ELP4: variants seen among roughly 807,000 people sequenced by gnomAD.
ELP4 encodes elongator acetyltransferase complex subunit 4.
In ELP4, 51 loss-of-function variants were observed where a neutral mutation model predicts 48.9. The ratio of observed to expected loss-of-function variants is 1.04; its 90% CI spans 0.83 to 1.32. The LOEUF (loss-of-function observed/expected upper bound fraction) is 1.32. ELP4 is among the 40% of genes most tolerant of loss of function. ELP4 has a pLI of 0.00. For missense variants in ELP4, 519 were observed against 514.6 expected, an observed-to-expected ratio of 1.01 and a Z score of -0.08; for synonymous variants, 210 against 189.2, an observed-to-expected ratio of 1.11 and a Z score of -0.90.
intron 3 of ELP4, among the ~76,000 whole-genome samples, chr11:31,585,569 C>T (rs1057358506): frequency 2.2e-4 from 34 of 152,054 alleles, no homozygotes; most frequent in African/African-American, 6.0e-4. Flanking sequence ...TGAAAGAAAA[C>T]GTAACCCAAG....
At chr11:31,711,823 A>G (rs950988280) in intron 9 of ELP4, among the ~76,000 whole-genome samples, 1 of 152,140 alleles carries the variant, frequency 6.6e-6, no homozygotes, top group Non-Finnish European at 1.5e-5. Context: ...AATGAATTAA[A>G]TCATAAACCT....
At chr11:31,546,268 C>G (rs971278628) in intron 3 of ELP4, among the ~76,000 whole-genome samples, 16 of 151,302 alleles carry the variant, frequency 1.1e-4, no homozygotes, top group African/African-American at 3.9e-4. Context: ...CACATAGGCT[C>G]AAAATAAAAG....
chr11:31,681,575 T>A (rs1204366178), intron 9 of ELP4, among the ~76,000 whole-genome samples: 3 of 152,104 alleles, frequency 2.0e-5, no homozygotes, highest in African/African-American at 7.2e-5. Flanking sequence ...AGGAGAGAGA[T>A]GTTACATCTG....
intron 2 of ELP4, among the ~76,000 whole-genome samples, chr11:31,532,143 A>C (rs1245148609): frequency 6.6e-6 from 1 of 152,190 alleles, no homozygotes; most frequent in Non-Finnish European, 1.5e-5. Context: ...CTCAAGCCCA[A>C]AGGAAATGGT....
In ELP4 at chr11:31,786,940, AAAT is replaced by A. The variant is rs1948680844; in HGVS notation, c.*3420_*3422del. 1.4e-5 allele frequency: 3 copies of A among 220,092 alleles called. No homozygotes were observed. The highest frequency in any genetic ancestry group is 1.2e-4 in the Admixed American group (2 of 17,302). 13.6% of individuals were successfully genotyped at this position (220,092 alleles called of 1,614,324 possible). A position where few individuals can be genotyped will look rare whatever the true frequency, so the allele number is the denominator to read the frequency against. On this transcript the variant is annotated 3_prime_UTR_variant, in exon 10 of 10. Coordinates refer to ENST00000640961, the MANE Select transcript of ELP4 (RefSeq NM_019040.5). ...CCTGGGATTCTACTGAAGTCTTCACAAATAATCTCCATCCTGGAAGATGGTGTC... is the reference window on the plus strand; with the variant it reads ...CCTGGGATTCTACTGAAGTCTTCACAAATCTCCATCCTGGAAGATGGTGTC...
At chr11:31,690,473 T>C (rs1312787994) in intron 9 of ELP4, among the ~76,000 whole-genome samples, 5 of 152,158 alleles carry the variant, frequency 3.3e-5, no homozygotes, top group Non-Finnish European at 7.3e-5. Flanking sequence ...GGATTATTTC[T>C]ACTAAAATGT....
chr11:31,544,826 A>G (rs2133915428), intron 3 of ELP4, among the ~76,000 whole-genome samples: 1 of 152,300 alleles, frequency 6.6e-6, no homozygotes, highest in East Asian at 1.9e-4. Flanking sequence ...ACGATCAGAC[A>G]GCAGCATTCG....
At chr11:31,770,055 G>T (rs1004611909) in intron 9 of ELP4, among the ~76,000 whole-genome samples, 2 of 152,140 alleles carry the variant, frequency 1.3e-5, no homozygotes, top group African/African-American at 4.8e-5. Flanking sequence ...AAAGACCCCA[G>T]TTCTCTTCTA....
intron 9 of ELP4, among the ~76,000 whole-genome samples, chr11:31,715,274 C>T (rs974026827): frequency 6.6e-6 from 1 of 152,044 alleles, no homozygotes; most frequent in African/African-American, 2.4e-5. Flanking sequence ...GCCAAAAAAA[C>T]TGTATTTCAA....
intron 2 of ELP4, among the ~76,000 whole-genome samples, chr11:31,527,337 A>G (rs527853353): frequency 5.3e-5 from 8 of 152,222 alleles, no homozygotes; most frequent in Admixed American, 2.6e-4. Flanking sequence ...TAATCTCCAG[A>G]CATCGCTACA....
At chr11:31,523,329 A>G (rs1055871025) in intron 2 of ELP4, among the ~76,000 whole-genome samples, 1 of 152,236 alleles carries the variant, frequency 6.6e-6, no homozygotes, top group Non-Finnish European at 1.5e-5. Context: ...TCATCACTGA[A>G]AAACTTTAAA....
At chr11:31,523,590 G>C (rs1293166271) in intron 2 of ELP4, among the ~76,000 whole-genome samples, 3 of 152,022 alleles carry the variant, frequency 2.0e-5, no homozygotes, top group African/African-American at 7.2e-5. Flanking sequence ...GTCCACTCTA[G>C]ACCTTCTGAA....
intron 3 of ELP4, among the ~76,000 whole-genome samples, chr11:31,551,769 C>G (rs754107321): frequency 1.3e-5 from 2 of 152,078 alleles, no homozygotes; most frequent in African/African-American, 2.4e-5. Context: ...TGTTCAAGTA[C>G]AATTCTGCTG....
At chr11:31,734,416 C>G (rs1479520775) in intron 9 of ELP4, among the ~76,000 whole-genome samples, 1 of 152,088 alleles carries the variant, frequency 6.6e-6, no homozygotes, top group Non-Finnish European at 1.5e-5. Flanking sequence ...AAGGAAGAAG[C>G]AAAATGCTGT....
chr11:31,677,859 T>C (rs1371768842), intron 9 of ELP4, among the ~76,000 whole-genome samples: 1 of 152,198 alleles, frequency 6.6e-6, no homozygotes, highest in African/African-American at 2.4e-5. Flanking sequence ...TACATTATTA[T>C]TGACTGAAGT....
chr11:31,556,960 CAATT>C (rs1956940212), intron 3 of ELP4, among the ~76,000 whole-genome samples: 2 of 151,754 alleles, frequency 1.3e-5, no homozygotes, highest in Non-Finnish European at 3.0e-5. Flanking sequence ...CAAATTTAAT[CAATT>C]AAGCTGAAAC....
intron 5 of ELP4, among the ~76,000 whole-genome samples, chr11:31,604,709 A>G (rs1305632088): frequency 6.6e-6 from 1 of 151,954 alleles, no homozygotes; most frequent in African/African-American, 2.4e-5. Context: ...ATGACTTAAA[A>G]TTTATAGTCT....
chr11:31,772,652 C>G (rs1948170934), intron 9 of ELP4, among the ~76,000 whole-genome samples: 1 of 152,224 alleles, frequency 6.6e-6, no homozygotes, highest in Non-Finnish European at 1.5e-5. Context: ...ACTGAAGTTG[C>G]AACCTCACTT....
At chr11:31,708,661 G>A (rs1184671384) in intron 9 of ELP4, among the ~76,000 whole-genome samples, 1 of 152,074 alleles carries the variant, frequency 6.6e-6, no homozygotes, top group Non-Finnish European at 1.5e-5. Flanking sequence ...TGTCTTAAGA[G>A]AAGATGCTGG....
Sources: gnomAD v4.1 joint callset for allele counts (sites outside exome capture counted in the v4.1 genomes callset) on GRCh38, gnomAD v4.1.1 for gene constraint, MANE v1.5 for transcripts, NCBI Gene and HGNC (gene_info 2026-07-23, HGNC 2026-07-21) for gene names.